The following ACSL1 variants were observed in gnomAD, a reference collection of about 807,000 sequenced individuals.
ACSL1 encodes long-chain-fatty-acid--CoA ligase 1.
A neutral mutation model predicts 98.4 loss-of-function variants in ACSL1; 41 were observed. That is an observed-to-expected ratio of 0.42 (90% CI 0.32 to 0.54). The LOEUF is 0.54. Ranked by LOEUF, ACSL1 falls within the 20% of genes least tolerant of loss-of-function variation. The pLI is 0.13. For missense variants in ACSL1, 734 were observed against 883.1 expected (o/e 0.83, Z 2.14); for synonymous variants, 316 against 322.7 (o/e 0.98, Z 0.22).
At chr4:184,815,583 AG>A (rs940837372) in intron 1 of ACSL1, among the ~76,000 whole-genome samples, 4 of 152,078 alleles carry the variant, frequency 2.6e-5, no homozygotes, top group Non-Finnish European at 4.4e-5. Flanking sequence ...ATCACATATC[AG>A]TGACCTGGAT....
chr4:184,788,122 G>A (rs187327852), intron 3 of ACSL1, among the ~76,000 whole-genome samples: 2 of 152,226 alleles, frequency 1.3e-5, no homozygotes, highest in East Asian at 3.8e-4. Flanking sequence ...GAGGGACAGA[G>A]GCTGGAAAGG....
chr4:184,783,941 G>T lies in ACSL1; in HGVS notation c.361C>A (p.Leu121Ile). 1 of 1,613,892 alleles carries T rather than the reference G, an allele frequency of 6.2e-7. No homozygotes were observed. Among genetic ancestry groups the T allele is most frequent in the Non-Finnish European group, 8.5e-7 (1 of 1,179,862 alleles). Residue 121 changes from leucine (L) to isoleucine (I), a missense_variant, in exon 4 of 21, where the codon CTT becomes ATT. Transcript: ENST00000281455. ...TACAAACTCACCTGTTTATATGAAA[G>T]CCATTCATAGGGTTGGTCTGGTTTC... The part of the protein sequence containing the change: ...SRKPDQPYEW[L>I]SYKQVAELSE...
At chr4:184,815,456 C>T (rs995152361) in intron 1 of ACSL1, among the ~76,000 whole-genome samples, 1 of 152,066 alleles carries the variant, frequency 6.6e-6, no homozygotes, top group Admixed American at 6.6e-5. Context: ...GTTTAGTTCA[C>T]AGAGCCCTCC....
chr4:184,776,713 T>A (rs1765350333), intron 6 of ACSL1, 51 bp from the exon 7 acceptor site: 1 of 1,573,088 alleles, frequency 6.4e-7, no homozygotes, highest in Admixed American at 1.8e-5. Context: ...GTTAAAAGAT[T>A]CACTCTGTCA....
chr4:184,782,085 A>C (rs1766371978), intron 4 of ACSL1, among the ~76,000 whole-genome samples: 1 of 152,192 alleles, frequency 6.6e-6, no homozygotes, highest in South Asian at 2.1e-4. Context: ...TGGTAAGGTG[A>C]CAATAGGATG....
chr4:184,757,316 T>G lies in ACSL1; in HGVS notation c.1957-51A>C. The G allele has an allele frequency of 6.4e-7, 1 of 1,559,204 alleles. No homozygotes were observed. Among genetic ancestry groups the G allele is most frequent in the Non-Finnish European group, 8.7e-7 (1 of 1,146,376 alleles). ...GAGGAAAAAGGACACGGGCCACCAG[T>G]CTCAAAAGCACGTAAGCCTTGGAGG... On this transcript the variant is annotated intron_variant, in intron 20 of 20. Coordinates refer to ENST00000281455, the MANE Select transcript of ACSL1 (RefSeq NM_001995.5). This position sits in a 1 kb window ranked among gnomAD's most constrained non-coding sequence, Gnocchi z 4.5.
At chr4:184,811,719 G>A (rs1175263447) in intron 1 of ACSL1, among the ~76,000 whole-genome samples, 2 of 151,986 alleles carry the variant, frequency 1.3e-5, no homozygotes, top group African/African-American at 4.8e-5. Context: ...GAAACATTCT[G>A]GAACTAGATG....
chr4:184,804,709 A>G (rs1379828866), intron 1 of ACSL1, among the ~76,000 whole-genome samples: 2 of 152,108 alleles, frequency 1.3e-5, no homozygotes, highest in Admixed American at 6.5e-5. Flanking sequence ...CTGTAAATGG[A>G]GACGGAAATA....
At chr4:184,788,321 C>G in intron 3 of ACSL1, 1 of 479,272 alleles carries the variant, frequency 2.1e-6, no homozygotes, top group South Asian at 1.7e-5. Context: ...GTTCAACAGA[C>G]CTCTTTATTG....
Position 184,773,262 on chromosome 4 carries a change from C to A in ACSL1, c.842-108G>T. 3 of 958,916 alleles carry A rather than the reference C, an allele frequency of 3.1e-6. No individual in the cohort carries two copies. The highest frequency in any genetic ancestry group is 1.5e-5 in the South Asian group (1 of 66,284). 59.4% of individuals were successfully genotyped at this position (958,916 alleles called of 1,614,324 possible). A position where few individuals can be genotyped will look rare whatever the true frequency, so the allele number is the denominator to read the frequency against. On this transcript the variant is annotated intron_variant, in intron 9 of 20. Coordinates refer to ENST00000281455, the MANE Select transcript of ACSL1 (RefSeq NM_001995.5). The surrounding 1 kb of genome is among the most constrained non-coding windows in gnomAD (Gnocchi z 4.3). ...CAGACACCTCTACTGTTAGATATAT[C>A]GTGAAAACCAAATGTTGAACACTAA...
Position 184,766,776 on chromosome 4 carries a change from G to A in ACSL1, c.1129-20C>T, listed in dbSNP as rs951561337. 8 of 1,605,092 alleles carry A rather than the reference G, an allele frequency of 5.0e-6. No individual in the cohort carries two copies. The highest frequency in any genetic ancestry group is 6.8e-6 in the Non-Finnish European group (8 of 1,172,892). ...GAAAATCTAATGAGGCAAGACATGA[G>A]AAAGTTTTCACACCTACTAGGATGG... On this transcript the variant is annotated intron_variant, in intron 12 of 20. Coordinates refer to ENST00000281455, the MANE Select transcript of ACSL1 (RefSeq NM_001995.5). This position sits in a 1 kb window ranked among gnomAD's most constrained non-coding sequence, Gnocchi z 4.8.
chr4:184,801,943 T>G (rs1770595097), intron 2 of ACSL1, among the ~76,000 whole-genome samples: 1 of 152,254 alleles, frequency 6.6e-6, no homozygotes, highest in African/African-American at 2.4e-5. Flanking sequence ...ATACATGTCT[T>G]AACACTGCAC....
chr4:184,782,408 G>C (rs565827883), intron 4 of ACSL1, among the ~76,000 whole-genome samples: 5 of 151,792 alleles, frequency 3.3e-5, no homozygotes, highest in African/African-American at 1.2e-4. Flanking sequence ...CAAATGAAGT[G>C]TGCAAGTCAT....
At position 184,807,672 on chromosome 4, in the gene ACSL1, G is replaced by A. The variant is rs548967347; in HGVS notation, c.-32-4126C>T. Among the ~76,000 whole-genome samples, 178 of 152,262 alleles carry A rather than the reference G, an allele frequency of 1.2e-3. No individual in the cohort carries two copies. In the Middle Eastern group the frequency reaches 0.014, roughly 12 times the overall value. On this transcript the variant is annotated intron_variant, in intron 1 of 20. Transcript: ENST00000281455. ...GTCAGAAACCAAAATCCTGGTACCC[G>A]TCTACCCAAACTTTGGATAGAACTA...
chr4:184,773,625 G>A lies in ACSL1; in HGVS notation c.841+38C>T. The A allele has an allele frequency of 6.3e-7, 1 of 1,585,672 alleles. No individual in the cohort carries two copies. The highest frequency in any genetic ancestry group is 1.1e-5 in the South Asian group (1 of 87,464). ...AGGTAGGGGAGAGTCCAGACCAATG[G>A]CTGCCATATGTAGAAGCAATTCTAT... On this transcript the variant is annotated intron_variant, in intron 9 of 20. Coordinates refer to ENST00000281455, the MANE Select transcript of ACSL1 (RefSeq NM_001995.5). The surrounding 1 kb of genome is among the most constrained non-coding windows in gnomAD (Gnocchi z 4.3).
At chr4:184,790,142 G>A (rs1198771452) in intron 2 of ACSL1, among the ~76,000 whole-genome samples, 1 of 152,164 alleles carries the variant, frequency 6.6e-6, no homozygotes, top group Non-Finnish European at 1.5e-5. Context: ...TGGGTGCCAG[G>A]GGATGAACTC....
chr4:184,798,102 C>T (rs890516902), intron 2 of ACSL1, among the ~76,000 whole-genome samples: 31 of 152,268 alleles, frequency 2.0e-4, no homozygotes, highest in Middle Eastern at 3.4e-3. Context: ...AACTAGGAAA[C>T]GAGATCAGTT....
intron 2 of ACSL1, among the ~76,000 whole-genome samples, chr4:184,800,399 C>T (rs1040208584): frequency 1.3e-4 from 20 of 152,108 alleles, no homozygotes; most frequent in Admixed American, 1.2e-3. Flanking sequence ...CCGACCAATC[C>T]GAAAAGGTTT....
intron 2 of ACSL1, among the ~76,000 whole-genome samples, chr4:184,802,330 G>A (rs1770663349): frequency 6.6e-6 from 1 of 152,292 alleles, no homozygotes; most frequent in Admixed American, 6.5e-5. Context: ...GCTTTATGTG[G>A]AAGGGCACAC....
Sources: allele counts gnomAD v4.1 joint callset (sites outside exome capture counted in the v4.1 genomes callset), GRCh38; gene constraint gnomAD v4.1.1; non-coding constraint Gnocchi (gnomAD v3.1); transcripts MANE v1.5; gene names NCBI Gene and HGNC (gene_info 2026-07-23, HGNC 2026-07-21).